Variants in LATS2 observed in about 807,000 individuals in gnomAD.
The protein encoded by LATS2 is large tumor suppressor kinase 2.
In LATS2, 24 loss-of-function variants were observed where a neutral mutation model predicts 76.0. The ratio of observed to expected loss-of-function variants is 0.32; its 90% CI spans 0.23 to 0.44. The LOEUF (loss-of-function observed/expected upper bound fraction) is 0.44, where lower values mean the gene tolerates loss of function less well. LATS2 is among the 20% of genes least tolerant of loss of function. LATS2 has a pLI of 1.00. For synonymous variants in LATS2, 692 were observed against 635.4 expected (o/e 1.09, Z -1.34); for missense variants, 1,286 against 1,481.2 (o/e 0.87, Z 2.16).
At chr13:21,059,026 T>C (rs1031931322) in intron 1 of LATS2, among the ~76,000 whole-genome samples, 2 of 152,066 alleles carry the variant, frequency 1.3e-5, no homozygotes, top group Admixed American at 6.5e-5. Context: ...CATGAGTTAC[T>C]TTTTCCATGA....
chr13:21,023,601 A>G (rs984347045), intron 2 of LATS2, among the ~76,000 whole-genome samples: 1 of 136,784 alleles, frequency 7.3e-6, no homozygotes, highest in African/African-American at 2.8e-5. Flanking sequence ...TTTCAAAAGG[A>G]TGGGAGGGAG....
chr13:21,010,701 C>T (rs567992471), intron 2 of LATS2, among the ~76,000 whole-genome samples: 7 of 152,330 alleles, frequency 4.6e-5, no homozygotes, highest in Non-Finnish European at 8.8e-5. Context: ...TGGCCATTTG[C>T]TGACTAGTCG....
chr13:21,058,221 C>T (rs549670690), intron 1 of LATS2, among the ~76,000 whole-genome samples: 4 of 152,202 alleles, frequency 2.6e-5, no homozygotes, highest in Non-Finnish European at 5.9e-5. Flanking sequence ...TTTCTTCACA[C>T]CAACTGTTTT....
chr13:21,010,069 G>T (rs1595232455), intron 2 of LATS2, among the ~76,000 whole-genome samples: 1 of 152,206 alleles, frequency 6.6e-6, no homozygotes, highest in East Asian at 1.9e-4. Flanking sequence ...GCATGGTGGT[G>T]TGTGCCTGAA....
intron 2 of LATS2, among the ~76,000 whole-genome samples, chr13:21,026,216 G>A (rs1052968968): frequency 6.6e-6 from 1 of 152,122 alleles, no homozygotes; most frequent in Non-Finnish European, 1.5e-5. Context: ...TCACACCAAA[G>A]ATACAGAATA....
chr13:20,997,424 G>A lies in LATS2; in HGVS notation c.343-6020C>T, dbSNP rs552677788. The stretch of plus-strand genomic sequence containing the variant: ...TGCAAAAGAGGCACTTTAACAAAAC[G>A]GCGAGGTGGCTGAGGGGTGGGACAC... On this transcript the variant is annotated intron_variant, in intron 2 of 7. Coordinates refer to ENST00000382592, the MANE Select transcript of LATS2 (RefSeq NM_014572.3). Among the ~76,000 whole-genome samples the A allele has an allele frequency of 1.5e-4, 23 of 152,260 alleles. 1 individual carries two copies. The South Asian group carries it at 4.4e-3, about 29-fold the overall frequency.
intron 2 of LATS2, among the ~76,000 whole-genome samples, chr13:21,023,417 A>T (rs1046654714): frequency 2.6e-5 from 4 of 151,920 alleles, no homozygotes; most frequent in African/African-American, 7.3e-5. Flanking sequence ...AGACATTTTT[A>T]AAAAACTTGT....
In LATS2 at chr13:20,979,796, C is replaced by T. The variant is rs755228774; in HGVS notation, c.2667G>A (p.Gly889=). The change falls in exon 7 of 8, where the codon GGG becomes GGA. Residue 889 remains glycine (G), a splice_region_variant and synonymous_variant. Transcript: ENST00000382592. ...YIAPEVLLRK[G]YTQLCDWWSV... is the part of the protein sequence containing the mutation. ...TCCACCAGTCACAGAGTTGAGTGTACCCTGCAAGACAAAGTTCACTCAATC... is the reference window on the plus strand; with the variant it reads ...TCCACCAGTCACAGAGTTGAGTGTATCCTGCAAGACAAAGTTCACTCAATC... 6 of 1,575,624 alleles carry T rather than the reference C, an allele frequency of 3.8e-6. No individual in the cohort carries two copies. In the East Asian group the frequency reaches 1.3e-4, roughly 35 times the overall value.
At chr13:21,050,944 G>C (rs150809660) in intron 1 of LATS2, among the ~76,000 whole-genome samples, 3 of 152,378 alleles carry the variant, frequency 2.0e-5, no homozygotes, top group Non-Finnish European at 2.9e-5. Flanking sequence ...GCCACGTGAG[G>C]GGGGGCAGGA....
chr13:21,043,676 T>G (rs1872967469), intron 2 of LATS2, among the ~76,000 whole-genome samples: 1 of 152,238 alleles, frequency 6.6e-6, no homozygotes, highest in Non-Finnish European at 1.5e-5. Flanking sequence ...GGTGTCATGA[T>G]CCTTACTTTT....
At chr13:21,048,542 T>C (rs1873149562) in intron 1 of LATS2, among the ~76,000 whole-genome samples, 1 of 152,118 alleles carries the variant, frequency 6.6e-6, no homozygotes, top group Non-Finnish European at 1.5e-5. Flanking sequence ...ATTAAATACC[T>C]ACTCAAGGCT....
At position 21,037,488 on chromosome 13, in the gene LATS2, C is replaced by T. The variant is rs529469332; in HGVS notation, c.342+8197G>A. ...TTATGACGTAATGCTTGTCTCTGTGCTTCTCTGTTAGGTGTTTTTGAGAGC... is the reference window on the plus strand; with the variant it reads ...TTATGACGTAATGCTTGTCTCTGTGTTTCTCTGTTAGGTGTTTTTGAGAGC... On this transcript the variant is annotated intron_variant, in intron 2 of 7. Transcript: ENST00000382592. Among the ~76,000 whole-genome samples, 3 of 152,298 alleles carry T rather than the reference C, an allele frequency of 2.0e-5. No homozygotes were observed. The South Asian group carries it at 6.2e-4, about 32-fold the overall frequency.
At chr13:21,020,314 CTAT>C (rs752046570) in intron 2 of LATS2, among the ~76,000 whole-genome samples, 55 of 152,126 alleles carry the variant, frequency 3.6e-4, no homozygotes, top group Admixed American at 7.9e-4. Context: ...ACGAACAATT[CTAT>C]TATTATCCTA....
chr13:21,023,668 A>C (rs1565957668), intron 2 of LATS2, among the ~76,000 whole-genome samples: 7 of 36,788 alleles, frequency 1.9e-4, no homozygotes, highest in East Asian at 1.7e-3. Flanking sequence ...AAAAAAAAAA[A>C]AAAAAAAAAA....
chr13:21,020,463 G>A (rs1279463550), intron 2 of LATS2, among the ~76,000 whole-genome samples: 1 of 152,216 alleles, frequency 6.6e-6, no homozygotes, highest in Non-Finnish European at 1.5e-5. Context: ...AGGCCAGGAA[G>A]TAAACTTTTG....
At chr13:21,010,158 C>T (rs1434593677) in intron 2 of LATS2, among the ~76,000 whole-genome samples, 2 of 151,818 alleles carry the variant, frequency 1.3e-5, no homozygotes, top group African/African-American at 4.8e-5. Context: ...CAAGATCGCA[C>T]CACTGCACTC....
At chr13:21,019,249 A>T (rs532777535) in intron 2 of LATS2, among the ~76,000 whole-genome samples, 1 of 152,120 alleles carries the variant, frequency 6.6e-6, no homozygotes, top group South Asian at 2.1e-4. Flanking sequence ...GAAAGGTTTT[A>T]AAAAATGAAC....
intron 2 of LATS2, among the ~76,000 whole-genome samples, chr13:21,027,049 T>C (rs547781928): frequency 6.6e-6 from 1 of 152,338 alleles, no homozygotes; most frequent in East Asian, 1.9e-4. Flanking sequence ...TCAAATCTTT[T>C]GCCCATTTTT....
At chr13:20,987,251 CTG>C (rs1397617494) in intron 4 of LATS2, among the ~76,000 whole-genome samples, 1 of 151,990 alleles carries the variant, frequency 6.6e-6, no homozygotes, top group Non-Finnish European at 1.5e-5. Context: ...AAAAGTATAT[CTG>C]TAAAAAAATC....
Sources: gnomAD v4.1 joint callset for allele counts (sites outside exome capture counted in the v4.1 genomes callset) on GRCh38, gnomAD v4.1.1 for gene constraint, MANE v1.5 for transcripts, NCBI Gene and HGNC (gene_info 2026-07-23, HGNC 2026-07-21) for gene names.